The following LPIN2 variants were observed in gnomAD, a reference collection of about 807,000 sequenced individuals.
LPIN2 encodes lipin 2, also known as phosphatidate phosphatase LPIN2.
Under a neutral mutation model 111.4 loss-of-function variants are expected in LPIN2, and 55 were observed. The ratio of observed to expected loss-of-function variants is 0.49; its 90% CI spans 0.40 to 0.62. The LOEUF is 0.62. Ranked by LOEUF, LPIN2 falls within the 20% of genes least tolerant of loss-of-function variation. LPIN2 has a pLI of 0.00. For synonymous variants in LPIN2, 425 were observed against 414.0 expected, an observed-to-expected ratio of 1.03 and a Z score of -0.32; for missense variants, 992 against 1,112.1, an observed-to-expected ratio of 0.89 and a Z score of 1.54.
intron 13 of LPIN2, among the ~76,000 whole-genome samples, chr18:2,926,404 G>T (rs3819090): frequency 0.39 from 59,967 of 152,022 alleles, 13,727 homozygotes; most frequent in African/African-American, 0.61. Flanking sequence ...AGATTATTTT[G>T]TATGTCTCCC....
intron 4 of LPIN2, chr18:2,946,357 T>C (rs2077451601): frequency 6.7e-7 from 1 of 1,501,474 alleles, no homozygotes; most frequent in Admixed American, 1.7e-5. Context: ...GTCTACCTTT[T>C]GTACAGCCTA....
rs774090516 is a variant in LPIN2, at chr18:2,925,282, A to G, written c.1880T>C (p.Leu627Pro). 3 of 1,614,184 alleles carry G rather than the reference A, an allele frequency of 1.9e-6. No individual in the cohort carries two copies. Among genetic ancestry groups the G allele is most frequent in the East Asian group, 4.5e-5 (2 of 44,880 alleles). The change falls in exon 14 of 20, where the codon CTG becomes CCG. Residue 627 changes from leucine to proline, a missense_variant. By Grantham distance (98) the Leu-to-Pro change is moderately conservative. Coordinates refer to ENST00000677752, the MANE Select transcript of LPIN2 (RefSeq NM_001375808.2). The surrounding 1 kb of genome is among the most constrained non-coding windows in gnomAD (Gnocchi z 4.1). Reference sequence around the variant, plus strand: ...ATATGAAGTTGTGCTGCCGTGGCTCAGGGGCTCTGTGGGGATGGGGTCCAC... The same window carrying G: ...ATATGAAGTTGTGCTGCCGTGGCTCGGGGGCTCTGTGGGGATGGGGTCCAC... Reference protein sequence around the residue: ...ITVDPIPTEPLSHGSTTSYKK... With the variant: ...ITVDPIPTEPPSHGSTTSYKK...
At chr18:3,002,972 G>A (rs2078456867) in intron 1 of LPIN2, among the ~76,000 whole-genome samples, 1 of 152,222 alleles carries the variant, frequency 6.6e-6, no homozygotes, top group African/African-American at 2.4e-5. Flanking sequence ...TTTGTCCTAT[G>A]ACTCTCTCAA....
chr18:2,997,245 G>A (rs1317487340), intron 1 of LPIN2, among the ~76,000 whole-genome samples: 1 of 152,158 alleles, frequency 6.6e-6, no homozygotes, highest in Non-Finnish European at 1.5e-5. Context: ...GTGTCCCAAA[G>A]TACTGGGATT....
chr18:2,977,875 A>G (rs748386657), intron 1 of LPIN2, among the ~76,000 whole-genome samples: 1 of 152,200 alleles, frequency 6.6e-6, no homozygotes, highest in African/African-American at 2.4e-5. Context: ...AGATCCATCA[A>G]TGGATGTTAA....
chr18:2,921,643 C>T lies in LPIN2; in HGVS notation c.2332G>A (p.Val778Met), dbSNP rs1306587026. The T allele has an allele frequency of 1.3e-6, 2 of 1,586,992 alleles. No individual in the cohort carries two copies. The highest frequency in any genetic ancestry group is 1.7e-6 in the Non-Finnish European group (2 of 1,155,272). The change falls in exon 18 of 20, where the codon GTG (valine) becomes ATG (methionine). Residue 778 changes from valine (V) to methionine (M), a missense_variant. By Grantham distance (21) the Val-to-Met change is conservative. Coordinates refer to ENST00000677752, the MANE Select transcript of LPIN2 (RefSeq NM_001375808.2). ...AACTTCTCTGGTTTCTTTTCTATCA[C>T]TTCTCTAAGAAAAAAATACAAATAC... ...SSLFSAFHRE[V>M]IEKKPEKFKI...
chr18:2,963,317 G>GGGTGACAGAGCAAGA (rs1568579518), intron 1 of LPIN2, among the ~76,000 whole-genome samples: 10 of 152,142 alleles, frequency 6.6e-5, no homozygotes, highest in Middle Eastern at 3.4e-3. Flanking sequence ...TAAACAGCCT[G>GGGTGACAGAGCAAGA]CTCTTGAAGC....
chr18:2,926,061 G>A (rs1219410471), intron 13 of LPIN2, among the ~76,000 whole-genome samples: 1 of 152,176 alleles, frequency 6.6e-6, no homozygotes, highest in Non-Finnish European at 1.5e-5. Context: ...AGGATTGTAT[G>A]AGCCGAGGAG....
chr18:2,951,462 A>T (rs1027610020), intron 3 of LPIN2, 106 bp from the exon 4 acceptor site: 1 of 660,646 alleles, frequency 1.5e-6, no homozygotes, highest in Non-Finnish European at 2.5e-6. Context: ...AAAAAAAAAA[A>T]ATACATATTC....
intron 1 of LPIN2, among the ~76,000 whole-genome samples, chr18:2,994,312 G>T (rs1029653549): frequency 6.6e-6 from 1 of 152,186 alleles, no homozygotes; most frequent in African/African-American, 2.4e-5. Context: ...GGAACAGGTG[G>T]TTATCACAAG....
At chr18:2,992,814 T>C (rs1466100947) in intron 1 of LPIN2, among the ~76,000 whole-genome samples, 3 of 151,730 alleles carry the variant, frequency 2.0e-5, no homozygotes, top group Non-Finnish European at 4.4e-5. Flanking sequence ...AAACCATGTC[T>C]CTACTAAAAA....
intron 1 of LPIN2, among the ~76,000 whole-genome samples, chr18:2,973,830 A>C (rs2077963427): frequency 6.6e-6 from 1 of 152,240 alleles, no homozygotes; most frequent in Non-Finnish European, 1.5e-5. Flanking sequence ...TTTGCACACG[A>C]AACAAAGCTT....
intron 1 of LPIN2, among the ~76,000 whole-genome samples, chr18:2,964,282 C>CAAAAAAAAAAAAAAAAAAA (rs56276815): frequency 1.8e-5 from 1 of 56,868 alleles, no homozygotes; most frequent in Non-Finnish European, 3.0e-5. Flanking sequence ...GACTCCGTCT[C>CAAAAAAAAAAAAAAAAAAA]AAAAAAAAAA....
At chr18:2,987,841 C>A (rs537586623) in intron 1 of LPIN2, among the ~76,000 whole-genome samples, 1 of 151,910 alleles carries the variant, frequency 6.6e-6, no homozygotes, top group Non-Finnish European at 1.5e-5. Flanking sequence ...GAGTTCAAGA[C>A]CAGCCTGGCC....
At chr18:2,934,625 TAGAAG>T (rs2077260269) in intron 7 of LPIN2, among the ~76,000 whole-genome samples, 175 bp from the exon 8 acceptor site, 4 of 152,228 alleles carry the variant, frequency 2.6e-5, no homozygotes, top group Admixed American at 2.6e-4. Flanking sequence ...TCCATGCCAA[TAGAAG>T]AGAAGTTCAG....
At chr18:2,942,979 C>G (rs539298497) in intron 4 of LPIN2, among the ~76,000 whole-genome samples, 1 of 152,184 alleles carries the variant, frequency 6.6e-6, no homozygotes, top group Non-Finnish European at 1.5e-5. Flanking sequence ...GCTGGGGGCT[C>G]GGAGGCTGAG....
At chr18:2,990,925 G>C in intron 1 of LPIN2, 1 of 553,696 alleles carries the variant, frequency 1.8e-6, no homozygotes, top group South Asian at 1.4e-5. Context: ...CCCCACACGG[G>C]GCCCTCCTCC....
rs769701843 is a variant in LPIN2, at chr18:2,948,814, AT to A, written c.590+2240del. On this transcript the variant is annotated intron_variant, in intron 4 of 19. Coordinates refer to ENST00000677752, the MANE Select transcript of LPIN2 (RefSeq NM_001375808.2). ...AAACTTTTAAAGGAAATTGTTTATA[AT>A]TTTTTTTTTTTTTTTAAAGACAGAG... Among the ~76,000 whole-genome samples, 1,303 of 144,208 alleles carry A rather than the reference AT, an allele frequency of 9.0e-3. 5 individuals are homozygous for A. The highest frequency in any genetic ancestry group is 0.014 in the African/African-American group (561 of 39,426). The allele number at this position is 144,208 out of a possible 152,430, so 94.6% of individuals were successfully genotyped here. A position where few individuals can be genotyped will look rare whatever the true frequency, so the allele number is the denominator to read the frequency against.
intron 1 of LPIN2, chr18:2,985,103 AG>A (rs1555606102): frequency 6.6e-6 from 1 of 152,260 alleles, no homozygotes; most frequent in Non-Finnish European, 1.5e-5. Flanking sequence ...CCTGACTGCA[AG>A]GAACATGTAC....
Sources: allele counts gnomAD v4.1 joint callset (sites outside exome capture counted in the v4.1 genomes callset), GRCh38; gene constraint gnomAD v4.1.1; non-coding constraint Gnocchi (gnomAD v3.1); transcripts MANE v1.5; gene names NCBI Gene and HGNC (gene_info 2026-07-23, HGNC 2026-07-21).